The following TMCC3 variants were observed in gnomAD, a reference collection of about 807,000 sequenced individuals.
The protein encoded by TMCC3 is transmembrane and coiled-coil domain family 3.
TMCC3 carries 28 observed loss-of-function variants against 40.2 expected under a neutral mutation model. The observed-to-expected ratio is 0.70, with a 90% CI of 0.52 to 0.95. The LOEUF (loss-of-function observed/expected upper bound fraction) is 0.95. TMCC3 is among the 40% of genes least tolerant of loss of function. The pLI is 0.00. For missense variants in TMCC3, 554 were observed against 615.2 expected (o/e 0.90, Z 1.05); for synonymous variants, 255 against 248.5 (o/e 1.03, Z -0.25).
intron 3 of TMCC3, among the ~76,000 whole-genome samples, chr12:94,572,963 G>A (rs889748775): frequency 6.6e-6 from 1 of 152,136 alleles, no homozygotes; most frequent in African/African-American, 2.4e-5. Context: ...GACACAGATG[G>A]CTACAAGTGT....
In TMCC3 at chr12:94,593,425, A is replaced by G. The variant is rs1338919794; in HGVS notation, c.79-10887T>C. Among the ~76,000 whole-genome samples, 6 of 55,566 alleles carry G rather than the reference A, an allele frequency of 1.1e-4. 2 individuals carry two copies. The highest frequency in any genetic ancestry group is 3.4e-4 in the Admixed American group (2 of 5,830). 36.5% of individuals were successfully genotyped at this position (55,566 alleles called of 152,430 possible). On this transcript the variant is annotated intron_variant, in intron 1 of 3. Transcript: ENST00000261226. ...AGAAGAAGAAGGAAGAAGAAGAAGG[A>G]AGAAGAAGGAGAAGGAGAAGGAGAA...
At chr12:94,614,418 A>T (rs2068835811) in intron 1 of TMCC3, among the ~76,000 whole-genome samples, 1 of 152,100 alleles carries the variant, frequency 6.6e-6, no homozygotes. Context: ...ATCCCCCTGG[A>T]AGCAAAAACA....
rs538824892 is a variant in TMCC3, at chr12:94,569,986, T to C, written c.*1449A>G. 6.6e-6 allele frequency: 1 copy of C among 152,328 alleles called. No individual in the cohort carries two copies. The highest frequency in any genetic ancestry group is 1.9e-4 in the East Asian group (1 of 5,186). The allele number at this position is 152,328 out of a possible 1,614,324, so 9.4% of individuals were successfully genotyped here. ...GACACAGATTTAAAGGAAAGTATCATCTGGGCTGAAGGCGGTGAATGGTAT... is the reference window on the plus strand; with the variant it reads ...GACACAGATTTAAAGGAAAGTATCACCTGGGCTGAAGGCGGTGAATGGTAT... On this transcript the variant is annotated 3_prime_UTR_variant, in exon 4 of 4. Coordinates refer to ENST00000261226, the MANE Select transcript of TMCC3 (RefSeq NM_020698.4).
chr12:94,593,973 A>C (rs1224613517), intron 1 of TMCC3, among the ~76,000 whole-genome samples: 1 of 152,070 alleles, frequency 6.6e-6, no homozygotes, highest in East Asian at 1.9e-4. Context: ...ACCTTACATG[A>C]GCACCAATTG....
intron 3 of TMCC3, among the ~76,000 whole-genome samples, chr12:94,576,122 T>A (rs1443729184): frequency 1.3e-5 from 2 of 152,182 alleles, no homozygotes; most frequent in African/African-American, 4.8e-5. Context: ...GTTTCTCGAA[T>A]AAGCCAGTGG....
intron 1 of TMCC3, among the ~76,000 whole-genome samples, chr12:94,646,431 C>CATTTTT (rs2069018576): frequency 1.1e-5 from 1 of 90,730 alleles, no homozygotes; most frequent in East Asian, 3.1e-4. Context: ...AAGCACACAC[C>CATTTTT]TTTTTTTTTT....
Position 94,571,213 on chromosome 12 carries a change from A to T in TMCC3, c.*222T>A. On this transcript the variant is annotated 3_prime_UTR_variant, in exon 4 of 4. Transcript: ENST00000261226. The stretch of plus-strand genomic sequence containing the variant: ...GGAAATCGGTCTGATTAAGGCAGTG[A>T]GCAAGGTAGGAGAGCTCTGAAACAG... 1.7e-6 allele frequency: 1 copy of T among 576,446 alleles called. No individual in the cohort carries two copies. Among genetic ancestry groups the T allele is most frequent in the Non-Finnish European group, 3.1e-6 (1 of 327,578 alleles). 35.7% of individuals were successfully genotyped at this position (576,446 alleles called of 1,614,324 possible).
intron 1 of TMCC3, among the ~76,000 whole-genome samples, chr12:94,647,200 A>T (rs987486511): frequency 6.6e-6 from 1 of 152,208 alleles, no homozygotes; most frequent in Non-Finnish European, 1.5e-5. Flanking sequence ...TTTTACAAAG[A>T]TGAAGTTTTA....
chr12:94,590,805 G>A, intron 1 of TMCC3: 1 of 474,298 alleles, frequency 2.1e-6, no homozygotes, highest in East Asian at 5.2e-5. Flanking sequence ...GCGGGAGACG[G>A]CGCAGGGTCT....
intron 1 of TMCC3, among the ~76,000 whole-genome samples, chr12:94,623,551 G>A (rs890233017): frequency 1.3e-5 from 2 of 152,220 alleles, no homozygotes; most frequent in Non-Finnish European, 2.9e-5. Context: ...CTTCAGGAGC[G>A]AATTCACAGC....
At chr12:94,582,786 T>C (rs2068613054) in intron 1 of TMCC3, among the ~76,000 whole-genome samples, 1 of 152,012 alleles carries the variant, frequency 6.6e-6, no homozygotes, top group African/African-American at 2.4e-5. Context: ...TTTTGTGTAA[T>C]GAGACTGTAA....
At chr12:94,574,419 TGA>T (rs2068552103) in intron 3 of TMCC3, among the ~76,000 whole-genome samples, 1 of 150,440 alleles carries the variant, frequency 6.6e-6, no homozygotes, top group South Asian at 2.1e-4. Context: ...ATGTGAGGCT[TGA>T]GAGAGAAACC....
intron 1 of TMCC3, among the ~76,000 whole-genome samples, chr12:94,603,177 C>G (rs1025793446): frequency 6.6e-6 from 1 of 152,222 alleles, no homozygotes; most frequent in East Asian, 1.9e-4. Flanking sequence ...CTCTGCCTCC[C>G]AGGCTCAAAC....
chr12:94,612,301 T>C (rs1566328078), intron 1 of TMCC3, among the ~76,000 whole-genome samples: 1 of 151,040 alleles, frequency 6.6e-6, no homozygotes, highest in Non-Finnish European at 1.5e-5. Flanking sequence ...GCCCAAATGG[T>C]TCTCAAGTTT....
At chr12:94,587,254 T>C (rs891205712) in intron 1 of TMCC3, among the ~76,000 whole-genome samples, 5 of 152,206 alleles carry the variant, frequency 3.3e-5, no homozygotes, top group African/African-American at 1.2e-4. Context: ...TGTTTCTGTT[T>C]GGGCGCTGAC....
rs767799922 is a variant in TMCC3, at chr12:94,578,379, C to T, written c.1131+15G>A. ...AAGAGCCCAGGCCTGTGTCTAATCA[C>T]AAAGGGAAAGGTACCTGGATGTCCC... On this transcript the variant is annotated intron_variant, in intron 3 of 3. Coordinates refer to ENST00000261226, the MANE Select transcript of TMCC3 (RefSeq NM_020698.4). The T allele has an allele frequency of 2.0e-5, 33 of 1,611,734 alleles. No individual in the cohort carries two copies. Among genetic ancestry groups the T allele is most frequent in the Non-Finnish European group, 2.7e-5 (32 of 1,178,568 alleles).
intron 1 of TMCC3, among the ~76,000 whole-genome samples, chr12:94,583,382 T>C (rs2068619168): frequency 6.6e-6 from 1 of 152,012 alleles, no homozygotes; most frequent in Non-Finnish European, 1.5e-5. Context: ...TGGGCACCTG[T>C]AATCCCAGCT....
At chr12:94,635,502 G>A (rs568270632) in intron 1 of TMCC3, among the ~76,000 whole-genome samples, 33 of 152,216 alleles carry the variant, frequency 2.2e-4, no homozygotes, top group Non-Finnish European at 4.1e-4. Flanking sequence ...ACATTAAGTC[G>A]AATTTGATGA....
chr12:94,623,133 A>T (rs1480567046), intron 1 of TMCC3, among the ~76,000 whole-genome samples: 1 of 152,098 alleles, frequency 6.6e-6, no homozygotes, highest in Non-Finnish European at 1.5e-5. Flanking sequence ...TCAATACTTA[A>T]TGTTGCCAAG....
Sources: allele counts gnomAD v4.1 joint callset (sites outside exome capture counted in the v4.1 genomes callset), GRCh38; gene constraint gnomAD v4.1.1; transcripts MANE v1.5; gene names NCBI Gene and HGNC (gene_info 2026-07-23, HGNC 2026-07-21).